Variants in STK32C observed in about 807,000 individuals in gnomAD.
STK32C encodes serine/threonine kinase 32C, also known as serine/threonine-protein kinase 32C.
Under a neutral mutation model 56.5 loss-of-function variants are expected in STK32C, and 31 were observed. The ratio of observed to expected loss-of-function variants is 0.55; its 90% CI spans 0.41 to 0.74. The LOEUF (loss-of-function observed/expected upper bound fraction) is 0.74. Among genes scored for constraint, STK32C ranks in the 30% least tolerant of loss-of-function variants. The pLI, the probability that STK32C is intolerant of heterozygous loss-of-function variation, is 0.00. For synonymous variants in STK32C, 309 were observed against 289.4 expected, an observed-to-expected ratio of 1.07 and a Z score of -0.69; for missense variants, 544 against 676.9, an observed-to-expected ratio of 0.80 and a Z score of 2.18.
intron 10 of STK32C, among the ~76,000 whole-genome samples, chr10:132,221,041 C>T (rs921013232): frequency 1.9e-4 from 29 of 152,370 alleles, no homozygotes; most frequent in Admixed American, 1.5e-3. Flanking sequence ...CTCAGAGAGA[C>T]GCATTGCTGT....
chr10:132,276,632 T>C (rs2065005478), intron 1 of STK32C, among the ~76,000 whole-genome samples: 1 of 149,240 alleles, frequency 6.7e-6, no homozygotes, highest in African/African-American at 2.5e-5. Flanking sequence ...AAAAAAAAGT[T>C]TTTAATTAGC....
At chr10:132,231,602 G>A (rs1010005097) in intron 2 of STK32C, among the ~76,000 whole-genome samples, 5 of 152,232 alleles carry the variant, frequency 3.3e-5, no homozygotes, top group African/African-American at 1.2e-4. Context: ...CAGCCACCAG[G>A]AGCCTCGGAA....
chr10:132,239,222 T>A (rs1402284240), intron 2 of STK32C, among the ~76,000 whole-genome samples: 1 of 152,088 alleles, frequency 6.6e-6, no homozygotes, highest in African/African-American at 2.4e-5. Flanking sequence ...GCACTGAGCC[T>A]CCCCACAGCC....
intron 1 of STK32C, among the ~76,000 whole-genome samples, chr10:132,256,074 G>A (rs922047404): frequency 2.6e-5 from 4 of 152,220 alleles, no homozygotes; most frequent in African/African-American, 9.6e-5. Flanking sequence ...GAGCCAACTG[G>A]GGTCTTACTC....
At chr10:132,246,574 G>A (rs983657517) in intron 1 of STK32C, among the ~76,000 whole-genome samples, 11 of 152,168 alleles carry the variant, frequency 7.2e-5, no homozygotes, top group African/African-American at 1.7e-4. Context: ...GAGCCGTTCC[G>A]CAAGCCTGTG....
chr10:132,235,516 G>GAAAAA (rs2063254521), intron 2 of STK32C, among the ~76,000 whole-genome samples: 1 of 75,384 alleles, frequency 1.3e-5, no homozygotes, highest in African/African-American at 4.4e-5. Flanking sequence ...AAAAAAAAAG[G>GAAAAA]AAAGAAATCA....
chr10:132,233,470 C>T (rs2063169397), intron 2 of STK32C, among the ~76,000 whole-genome samples: 1 of 152,198 alleles, frequency 6.6e-6, no homozygotes, highest in Non-Finnish European at 1.5e-5. Context: ...TTTCAGTTTT[C>T]CCCCGATGCC....
At chr10:132,232,704 A>G (rs1171458260) in intron 2 of STK32C, among the ~76,000 whole-genome samples, 5 of 151,824 alleles carry the variant, frequency 3.3e-5, no homozygotes, top group Non-Finnish European at 5.9e-5. Flanking sequence ...GGCTTTTCCT[A>G]TGAAACGCCA....
intron 2 of STK32C, among the ~76,000 whole-genome samples, chr10:132,241,952 C>CA (rs557355742): frequency 3.3e-5 from 5 of 151,912 alleles, no homozygotes; most frequent in South Asian, 2.1e-4. Flanking sequence ...ACTAAAAATA[C>CA]AAAAAAAATT....
chr10:132,331,810 A>G (rs11146335), exon 1 of STK32C: 611,541 of 1,582,066 alleles, frequency 0.39, 122,932 homozygotes, highest in African/African-American at 0.56. Flanking sequence ...TTGCCCGTCG[A>G]CCACCACCCC....
intron 2 of STK32C, among the ~76,000 whole-genome samples, chr10:132,232,230 CG>C (rs1254731847): frequency 2.0e-5 from 3 of 152,220 alleles, no homozygotes; most frequent in Non-Finnish European, 4.4e-5. Flanking sequence ...CACTAGGACC[CG>C]CCCTCTGAGG....
chr10:132,330,622 C>T (rs2066649416), intron 1 of STK32C: 1 of 680,504 alleles, frequency 1.5e-6, no homozygotes, highest in African/African-American at 1.8e-5. Flanking sequence ...ATCCTCTTGC[C>T]TCACCCTCCC....
At chr10:132,228,534 C>A (rs1432157323) in intron 2 of STK32C, among the ~76,000 whole-genome samples, 1 of 152,224 alleles carries the variant, frequency 6.6e-6, no homozygotes, top group Non-Finnish European at 1.5e-5. Context: ...CAGACAGGGT[C>A]CAGCCTAACA....
intron 1 of STK32C, among the ~76,000 whole-genome samples, chr10:132,298,638 G>C (rs1348272366): frequency 6.6e-6 from 1 of 151,776 alleles, no homozygotes; most frequent in Non-Finnish European, 1.5e-5. Flanking sequence ...TCACCGGGGA[G>C]TTGAGCGCCG....
chr10:132,281,806 T>C (rs2065215832), intron 1 of STK32C, among the ~76,000 whole-genome samples: 1 of 152,188 alleles, frequency 6.6e-6, no homozygotes, highest in Non-Finnish European at 1.5e-5. Flanking sequence ...TGCTCCACCT[T>C]GGGAGAAGCC....
intron 2 of STK32C, among the ~76,000 whole-genome samples, chr10:132,238,513 T>C (rs1350743180): frequency 1.3e-5 from 2 of 152,080 alleles, no homozygotes; most frequent in Non-Finnish European, 2.9e-5. Flanking sequence ...GTGAGCAGGT[T>C]TGAGACTGGC....
chr10:132,236,246 G>A (rs555428120), intron 2 of STK32C, among the ~76,000 whole-genome samples: 7 of 152,388 alleles, frequency 4.6e-5, no homozygotes, highest in East Asian at 1.9e-4. Flanking sequence ...GCGAAGGGAC[G>A]TGGTCAATGC....
At chr10:132,286,947 C>CA (rs1441714765) in intron 1 of STK32C, among the ~76,000 whole-genome samples, 1 of 152,148 alleles carries the variant, frequency 6.6e-6, no homozygotes, top group East Asian at 1.9e-4. Context: ...TCTTTATTCG[C>CA]AAATGATTTG....
At chr10:132,317,581 T>C (rs1456463132) in intron 1 of STK32C, among the ~76,000 whole-genome samples, 13 of 151,946 alleles carry the variant, frequency 8.6e-5, no homozygotes, top group Non-Finnish European at 1.5e-5. Context: ...CAAAAATTTT[T>C]AAAAATTCAC....
Sources: gnomAD v4.1 joint callset for allele counts (sites outside exome capture counted in the v4.1 genomes callset) on GRCh38, gnomAD v4.1.1 for gene constraint, MANE v1.5 for transcripts, NCBI Gene and HGNC (gene_info 2026-07-23, HGNC 2026-07-21) for gene names.